Variants in SPOCK1 observed in about 807,000 individuals in gnomAD.
SPOCK1 encodes the protein SPARC (osteonectin), cwcv and kazal like domains proteoglycan 1, also known as testican-1.
SPOCK1 carries 23 observed loss-of-function variants against 55.3 expected under a neutral mutation model. That is an observed-to-expected ratio of 0.42 (90% CI 0.30 to 0.59). The LOEUF is 0.59. Ranked by LOEUF, SPOCK1 falls within the 20% of genes least tolerant of loss-of-function variation. The pLI is 0.22. For synonymous variants in SPOCK1, 226 were observed against 221.0 expected (o/e 1.02, Z -0.20); for missense variants, 499 against 552.5 (o/e 0.90, Z 0.97).
intron 3 of SPOCK1, among the ~76,000 whole-genome samples, chr5:137,196,962 A>T (rs1305500312): frequency 6.6e-6 from 1 of 152,224 alleles, no homozygotes; most frequent in Admixed American, 6.5e-5. Context: ...GACATTCAGC[A>T]AAGAAAATAA....
chr5:137,162,304 A>G (rs888791543), intron 3 of SPOCK1, among the ~76,000 whole-genome samples: 2 of 151,434 alleles, frequency 1.3e-5, no homozygotes, highest in Admixed American at 6.6e-5. Context: ...CGCCGGGCTA[A>G]TTTTTTGTAT....
rs75447043 is a variant in SPOCK1 at position 137,464,609 on chromosome 5, T to G, written c.186+33764A>C. On this transcript the variant is annotated intron_variant, in intron 2 of 10. Coordinates refer to ENST00000394945, the MANE Select transcript of SPOCK1 (RefSeq NM_004598.4). ...GGGTGGGGTGGGGTGGGGTGGTAGA[T>G]AGCAACAGCCTGCCAGTCTAGGTGA... Among the ~76,000 whole-genome samples, 142 of 151,960 alleles carry G rather than the reference T, an allele frequency of 9.3e-4. 5 individuals are homozygous for G. In the East Asian group the frequency reaches 0.022, roughly 23 times the overall value.
intron 3 of SPOCK1, among the ~76,000 whole-genome samples, chr5:137,209,085 G>A (rs926282739): frequency 6.6e-6 from 1 of 152,100 alleles, no homozygotes; most frequent in Non-Finnish European, 1.5e-5. Context: ...TAGGAGTGTT[G>A]TAAGAATTCA....
chr5:137,215,031 T>C (rs1755690709), intron 3 of SPOCK1, among the ~76,000 whole-genome samples: 1 of 152,150 alleles, frequency 6.6e-6, no homozygotes, highest in Admixed American at 6.5e-5. Flanking sequence ...AAATGAAAGA[T>C]AAAGTCTTGC....
chr5:137,184,073 G>T (rs996718644), intron 3 of SPOCK1, among the ~76,000 whole-genome samples: 4 of 152,182 alleles, frequency 2.6e-5, no homozygotes, highest in African/African-American at 9.7e-5. Flanking sequence ...TTAGGATTTA[G>T]TCCAGTGACC....
chr5:137,498,654 G>T, intron 1 of SPOCK1, 96 bp from the exon 2 acceptor site: 1 of 1,081,842 alleles, frequency 9.2e-7, no homozygotes, highest in Non-Finnish European at 1.1e-6. Context: ...CGGAGGCGGG[G>T]ACCCCGCGGC....
intron 3 of SPOCK1, among the ~76,000 whole-genome samples, chr5:137,148,991 G>A (rs1754258572): frequency 6.6e-6 from 1 of 151,874 alleles, no homozygotes; most frequent in Non-Finnish European, 1.5e-5. Flanking sequence ...AAGACTTCCT[G>A]TGAAAAAAAA....
At chr5:136,996,612 C>A (rs557822517) in intron 6 of SPOCK1, among the ~76,000 whole-genome samples, 1 of 152,270 alleles carries the variant, frequency 6.6e-6, no homozygotes, top group South Asian at 2.1e-4. Context: ...GCCAGCTAGA[C>A]TTCCTGGGTC....
chr5:137,408,291 G>C (rs1434549595), intron 2 of SPOCK1, among the ~76,000 whole-genome samples: 1 of 152,164 alleles, frequency 6.6e-6, no homozygotes, highest in Non-Finnish European at 1.5e-5. Flanking sequence ...ACCATGGATG[G>C]TGAGTGGTAT....
intron 2 of SPOCK1, among the ~76,000 whole-genome samples, chr5:137,490,756 G>T (rs1405738513): frequency 1.3e-5 from 2 of 152,146 alleles, no homozygotes; most frequent in African/African-American, 4.8e-5. Flanking sequence ...TGCCAGTTTT[G>T]GGGGAGGAGG....
intron 3 of SPOCK1, among the ~76,000 whole-genome samples, chr5:137,170,117 T>C (rs1014473464): frequency 6.6e-6 from 1 of 152,214 alleles, no homozygotes; most frequent in African/African-American, 2.4e-5. Flanking sequence ...TAAAATGATG[T>C]AGTGTTTGCA....
At chr5:137,112,319 C>A in intron 5 of SPOCK1, 116 bp downstream of exon 5, 1 of 1,348,014 alleles carries the variant, frequency 7.4e-7, no homozygotes, top group South Asian at 1.4e-5. Flanking sequence ...AGCAGCTTCT[C>A]AAGGGCAAGG....
chr5:137,338,368 A>G (rs1580873663), intron 2 of SPOCK1, among the ~76,000 whole-genome samples: 1 of 152,108 alleles, frequency 6.6e-6, no homozygotes. Flanking sequence ...TTATGGCTGC[A>G]TAGTATTCCA....
At chr5:137,214,475 T>C (rs1021162271) in intron 3 of SPOCK1, among the ~76,000 whole-genome samples, 1 of 152,194 alleles carries the variant, frequency 6.6e-6, no homozygotes, top group African/African-American at 2.4e-5. Flanking sequence ...AAAGAAAGGA[T>C]CATGTTTATC....
chr5:137,012,172 C>A (rs1424422546), intron 6 of SPOCK1, among the ~76,000 whole-genome samples: 1 of 152,068 alleles, frequency 6.6e-6, no homozygotes, highest in Non-Finnish European at 1.5e-5. Flanking sequence ...TAATTCATAT[C>A]CTTTTTCCAG....
intron 2 of SPOCK1, among the ~76,000 whole-genome samples, chr5:137,326,783 A>G (rs1377663636): frequency 6.6e-6 from 1 of 152,222 alleles, no homozygotes. Context: ...ACAGAAAAAT[A>G]CTATTTGACT....
At chr5:137,132,130 G>C (rs1469723724) in intron 4 of SPOCK1, among the ~76,000 whole-genome samples, 1 of 131,640 alleles carries the variant, frequency 7.6e-6, no homozygotes, top group Non-Finnish European at 1.6e-5. Flanking sequence ...AGCAGATATA[G>C]TGCCACTGCA....
chr5:137,290,871 C>G (rs889693048), intron 2 of SPOCK1, among the ~76,000 whole-genome samples: 1 of 152,186 alleles, frequency 6.6e-6, no homozygotes, highest in Non-Finnish European at 1.5e-5. Flanking sequence ...CAGAAAGGCA[C>G]AAGGGAAGCC....
chr5:137,465,477 T>A (rs1387252113), intron 2 of SPOCK1, among the ~76,000 whole-genome samples: 1 of 152,088 alleles, frequency 6.6e-6, no homozygotes, highest in African/African-American at 2.4e-5. Context: ...AACTCGTCTT[T>A]TACTGAGAGC....
Sources: allele counts gnomAD v4.1 joint callset (sites outside exome capture counted in the v4.1 genomes callset), GRCh38; gene constraint gnomAD v4.1.1; transcripts MANE v1.5; gene names NCBI Gene and HGNC (gene_info 2026-07-23, HGNC 2026-07-21).